The following CACNA1H variants were observed in gnomAD, a reference collection of about 807,000 sequenced individuals.
CACNA1H encodes calcium voltage-gated channel subunit alpha1 H.
CACNA1H carries 149 observed loss-of-function variants against 192.5 expected under a neutral mutation model. The ratio of observed to expected loss-of-function variants is 0.77; its 90% confidence interval spans 0.68 to 0.89. CACNA1H has a LOEUF of 0.89. Among genes scored for constraint, CACNA1H ranks in the 40% least tolerant of loss-of-function variants. The pLI is 0.00. For synonymous variants in CACNA1H, 2,202 were observed against 1,475.2 expected (o/e 1.49, Z -11.29); for missense variants, 4,257 against 3,423.5 (o/e 1.24, Z -6.08).
At chr16:1,190,232 G>C (rs1966478748) in intron 2 of CACNA1H, among the ~76,000 whole-genome samples, 1 of 152,262 alleles carries the variant, frequency 6.6e-6, no homozygotes, top group South Asian at 2.1e-4. Context: ...ACGTTGGCCT[G>C]CTTCTCCGAC....
chr16:1,168,507 G>A (rs1964030037), intron 2 of CACNA1H, among the ~76,000 whole-genome samples: 1 of 152,002 alleles, frequency 6.6e-6, no homozygotes, highest in Non-Finnish European at 1.5e-5. Context: ...GGGTGCCCAG[G>A]TCACCCCAGA....
intron 17 of CACNA1H, 36 bp downstream of exon 17, chr16:1,209,448 C>T (rs1484807471): frequency 1.3e-5 from 20 of 1,588,318 alleles, no homozygotes; most frequent in Non-Finnish European, 1.6e-5. Flanking sequence ...GCCGACTCGC[C>T]TTCGTCTGTC....
intron 11 of CACNA1H, 97 bp downstream of exon 11, chr16:1,205,362 A>T: frequency 1.5e-6 from 2 of 1,296,226 alleles, no homozygotes; most frequent in African/African-American, 3.0e-5. Context: ...CACAGGAGGA[A>T]GTACGACGAT....
In CACNA1H at chr16:1,208,073, T is replaced by C. The variant is rs769013395; in HGVS notation, c.3215T>C (p.Leu1072Pro). The C allele has an allele frequency of 1.9e-6, 3 of 1,603,890 alleles. No homozygotes were observed. The highest frequency in any genetic ancestry group is 2.7e-5 in the African/African-American group (2 of 74,674). The change falls in exon 16 of 35, where the codon CTG becomes CCG. Residue 1072 changes from leucine to proline, a missense_variant. Transcript: ENST00000348261. ...PNGHLEGRGS[L>P]SPPLIMCTAA... is the part of the protein sequence containing the mutation. ...GGGCACCTGGAGGGACGAGGCAGCC[T>C]GTCCCCTCCCCTCATCATGTGCACA...
intron 2 of CACNA1H, among the ~76,000 whole-genome samples, chr16:1,165,482 C>A (rs541116877): frequency 1.3e-4 from 20 of 152,320 alleles, no homozygotes; most frequent in African/African-American, 4.8e-4. Context: ...GGCCGAGCCC[C>A]CGTCCTGCGC....
At chr16:1,187,184 C>T (rs898614913) in intron 2 of CACNA1H, among the ~76,000 whole-genome samples, 4 of 152,254 alleles carry the variant, frequency 2.6e-5, no homozygotes, top group Admixed American at 2.0e-4. Flanking sequence ...GTTGAGCGTT[C>T]CTGAGAATGA....
rs545310896 is a variant in CACNA1H at position 1,198,608 on chromosome 16, C to A, written c.644-7C>A. 1 of 1,612,116 alleles carries A rather than the reference C, an allele frequency of 6.2e-7. No individual in the cohort carries two copies. Among genetic ancestry groups the A allele is most frequent in the Non-Finnish European group, 8.5e-7 (1 of 1,179,556 alleles). ...AGCAGTGCCAATCCTGGCCCTGCTG[C>A]CCACAGGCATGCGGATCCTGGTCAC... On this transcript the variant is annotated splice_region_variant and splice_polypyrimidine_tract_variant and intron_variant, in intron 5 of 34. Transcript: ENST00000348261.
In CACNA1H at chr16:1,208,155, C is replaced by T. The variant is rs900247817; in HGVS notation, c.3297C>T (p.Ser1099=). Residue 1099 remains serine, a synonymous_variant, in exon 16 of 35, where the codon AGC becomes AGT. Coordinates refer to ENST00000348261, the MANE Select transcript of CACNA1H (RefSeq NM_021098.3). ...CACCATTCCTGGATGCAGCCCCCAG[C>T]CTCCCAGACTCTCGGCGTGGCAGCA... ...KSSPFLDAAP[S]LPDSRRGSSS... 2 of 1,578,686 alleles carry T rather than the reference C, an allele frequency of 1.3e-6. No individual in the cohort carries two copies. The highest frequency in any genetic ancestry group is 1.2e-5 in the South Asian group (1 of 86,022).
Position 1,154,007 on chromosome 16 carries a change from C to G in CACNA1H, c.270C>G (p.Arg90=), listed in dbSNP as rs577235589. The G allele has an allele frequency of 4.0e-3, 5,644 of 1,404,994 alleles. 87 individuals are homozygous for G. The highest frequency in any genetic ancestry group is 0.032 in the South Asian group (2,270 of 71,026). 87.0% of individuals were successfully genotyped at this position (1,404,994 alleles called of 1,614,324 possible). Residue 90 remains arginine (R), a synonymous_variant, in exon 2 of 35, where the codon CGC becomes CGG. Transcript: ENST00000348261. ...GCCTCGGTCAGACCACGCGGCCGCG[C>G]AGCTGGTGCCTCCGGCTGGTCTGCA... The part of the protein sequence containing the change: ...FFCLGQTTRP[R]SWCLRLVCNP...
chr16:1,155,272 C>T (rs1036819410), intron 2 of CACNA1H, among the ~76,000 whole-genome samples: 5 of 152,204 alleles, frequency 3.3e-5, no homozygotes, highest in Admixed American at 3.3e-4. Context: ...CTCGGAGCCC[C>T]ACACCCGCTG....
chr16:1,200,874 G>A lies in CACNA1H; in HGVS notation c.1212+66G>A, dbSNP rs1473143896. The A allele has an allele frequency of 4.0e-6, 5 of 1,264,728 alleles. No homozygotes were observed. The South Asian group carries it at 5.1e-5, about 13-fold the overall frequency. The allele number at this position is 1,264,728 out of a possible 1,614,324, so 78.3% of individuals were successfully genotyped here. On this transcript the variant is annotated intron_variant, in intron 8 of 34. Transcript: ENST00000348261. The stretch of plus-strand genomic sequence containing the variant: ...GTTAGCTGGCTGGGGGTGGGGTGGG[G>A]TACCTGGGTGGTCATAGGGGCTCCT...
chr16:1,200,139 C>A, intron 6 of CACNA1H, 117 bp from the exon 7 acceptor site: 1 of 820,974 alleles, frequency 1.2e-6, no homozygotes, highest in South Asian at 1.8e-5. Flanking sequence ...AGTCCACTGG[C>A]CCTGACCCTG....
rs72552062 is a variant in CACNA1H, at chr16:1,214,009, T to C, written c.4929+78T>C. Reference sequence around the variant, plus strand: ...GCAGCCAACACAGTGGGCACAACCCTGGACCGGCGCTCCGCTGAGCCCTCG... The same window carrying C: ...GCAGCCAACACAGTGGGCACAACCCCGGACCGGCGCTCCGCTGAGCCCTCG... On this transcript the variant is annotated intron_variant, in intron 27 of 34. Coordinates refer to ENST00000348261, the MANE Select transcript of CACNA1H (RefSeq NM_021098.3). 25,768 of 1,269,090 alleles carry C rather than the reference T, an allele frequency of 0.02. 408 individuals are homozygous for C. The highest frequency in any genetic ancestry group is 0.086 in the East Asian group (3,468 of 40,364). The allele number at this position is 1,269,090 out of a possible 1,614,324, so 78.6% of individuals were successfully genotyped here.
At chr16:1,163,118 A>G (rs1567437709) in intron 2 of CACNA1H, among the ~76,000 whole-genome samples, 1 of 152,196 alleles carries the variant, frequency 6.6e-6, no homozygotes, top group Non-Finnish European at 1.5e-5. Context: ...AGCCTGCAGA[A>G]AGGTGTAGGT....
rs762112120 is a variant in CACNA1H at position 1,198,766 on chromosome 16, C to G, written c.795C>G (p.Ala265=). The part of the protein sequence containing the change: ...LLRNRCFLDS[A]FVRNNNLTFL... ...GGAACCGCTGCTTCCTGGACAGTGC[C>G]TTTGTCAGGTGCCCAGGCCCCACCC... The change falls in exon 6 of 35, where the codon GCC becomes GCG. Residue 265 remains alanine, a synonymous_variant. Transcript: ENST00000348261. The G allele has an allele frequency of 1.9e-6, 3 of 1,610,826 alleles. No homozygotes were observed. The highest frequency in any genetic ancestry group is 1.3e-5 in the African/African-American group (1 of 74,850).
intron 4 of CACNA1H, 118 bp from the exon 5 acceptor site, chr16:1,195,808 G>A: frequency 1.1e-6 from 1 of 941,326 alleles, no homozygotes; most frequent in African/African-American, 1.6e-5. Context: ...GCCAGTACAA[G>A]GTCCTCCGGG....
At position 1,209,119 on chromosome 16, in the gene CACNA1H, G is replaced by T. The variant is rs1397952199; in HGVS notation, c.3451G>T (p.Ala1151Ser). Residue 1151 changes from alanine (A) to serine (S), a missense_variant, in exon 17 of 35, where the codon GCC becomes TCC. By Grantham distance (99) the Ala-to-Ser change is moderately conservative (BLOSUM62 1). Transcript: ENST00000348261. The stretch of plus-strand genomic sequence containing the variant: ...CTCCAGCTGGAGCAGCCTGGGCCGT[G>T]CCCCCAGCCTCAAGCGCCGCGGCCA... ...RRSSWSSLGR[A>S]PSLKRRGQCG... 2.6e-6 allele frequency: 4 copies of T among 1,555,288 alleles called. No individual in the cohort carries two copies. In the Admixed American group the frequency reaches 5.8e-5, roughly 23 times the overall value.
intron 2 of CACNA1H, 110 bp from the exon 3 acceptor site, chr16:1,194,862 C>A (rs1019786278): frequency 1.3e-6 from 1 of 785,026 alleles, no homozygotes; most frequent in Non-Finnish European, 2.2e-6. Context: ...TGGACACCCC[C>A]ACGCGCGCAC....
intron 2 of CACNA1H, among the ~76,000 whole-genome samples, chr16:1,171,204 C>A (rs954056958): frequency 3.3e-5 from 5 of 152,102 alleles, no homozygotes; most frequent in African/African-American, 1.2e-4. Flanking sequence ...TGTCTGCTCA[C>A]CCCCGCGCCG....
Sources: gnomAD v4.1 joint callset for allele counts (sites outside exome capture counted in the v4.1 genomes callset) on GRCh38, gnomAD v4.1.1 for gene constraint, MANE v1.5 for transcripts, NCBI Gene and HGNC (gene_info 2026-07-23, HGNC 2026-07-21) for gene names.